Variants in POR observed in about 807,000 individuals in gnomAD.
POR encodes cytochrome p450 oxidoreductase.
POR carries 56 observed loss-of-function variants against 84.0 expected under a neutral mutation model. The observed-to-expected ratio is 0.67, with a 90% CI of 0.54 to 0.83. POR has a LOEUF of 0.83. POR is among the 40% of genes least tolerant of loss of function. POR has a pLI of 0.00. For synonymous variants in POR, 414 were observed against 400.5 expected (o/e 1.03, Z -0.40); for missense variants, 938 against 944.3 (o/e 0.99, Z 0.09).
At chr7:75,962,443 T>G (rs1376242321) in intron 2 of POR, among the ~76,000 whole-genome samples, 1 of 152,168 alleles carries the variant, frequency 6.6e-6, no homozygotes, top group Non-Finnish European at 1.5e-5. Flanking sequence ...TACGGGCATG[T>G]GCCACCATAC....
intron 2 of POR, among the ~76,000 whole-genome samples, chr7:75,961,016 T>C (rs1431243758): frequency 1.3e-5 from 2 of 152,112 alleles, no homozygotes; most frequent in African/African-American, 4.8e-5. Context: ...GTGGATCACA[T>C]GAGGCCAGGA....
At chr7:75,921,298 G>A (rs1178464109) in intron 1 of POR, 1 of 127,736 alleles carries the variant, frequency 7.8e-6, no homozygotes, top group Non-Finnish European at 1.6e-5. Flanking sequence ...ACAGATTCTT[G>A]CTCTGTTGTT....
rs1198826600 is a variant in POR, at chr7:75,984,706, C to G, written c.1067-71C>G. On this transcript the variant is annotated intron_variant, in intron 10 of 15. Coordinates refer to ENST00000461988, the MANE Select transcript of POR (RefSeq NM_000941.3). The stretch of plus-strand genomic sequence containing the variant: ...GCAGAGCTGGCCCAAGGTGTCACCC[C>G]CTCCTGCCGCAGCCACCCATCCCCA... The G allele has an allele frequency of 5.7e-6, 8 of 1,396,688 alleles. No homozygotes were observed. The South Asian group carries it at 9.2e-5, about 16-fold the overall frequency. 86.5% of individuals were successfully genotyped at this position (1,396,688 alleles called of 1,614,324 possible).
chr7:75,977,744 C>T (rs1213663819), intron 3 of POR, among the ~76,000 whole-genome samples: 2 of 152,142 alleles, frequency 1.3e-5, no homozygotes, highest in African/African-American at 4.8e-5. Context: ...TGCCATTACA[C>T]TCCAATCTGG....
At chr7:75,976,434 T>G (rs1434021003) in intron 3 of POR, among the ~76,000 whole-genome samples, 7 of 79,094 alleles carry the variant, frequency 8.9e-5, no homozygotes, top group African/African-American at 2.4e-4. Context: ...CAGAGCAAGA[T>G]TCCATCTAAA....
At chr7:75,926,600 G>A (rs572329832) in intron 1 of POR, among the ~76,000 whole-genome samples, 6 of 152,048 alleles carry the variant, frequency 3.9e-5, no homozygotes, top group East Asian at 1.9e-4. Flanking sequence ...GTTCGAGACC[G>A]GCCTGACCAA....
intron 1 of POR, among the ~76,000 whole-genome samples, chr7:75,950,515 A>G (rs1259333719): frequency 1.3e-5 from 2 of 151,504 alleles, no homozygotes; most frequent in Non-Finnish European, 2.9e-5. Flanking sequence ...TCACCATGGC[A>G]CTCCTGACTG....
At chr7:75,925,235 C>T (rs1338091303) in intron 1 of POR, among the ~76,000 whole-genome samples, 1 of 152,034 alleles carries the variant, frequency 6.6e-6, no homozygotes, top group South Asian at 2.1e-4. Flanking sequence ...CAGCTGGGCG[C>T]GATGGCTCAT....
chr7:75,982,368 T>G, intron 8 of POR, 46 bp downstream of exon 8: 2 of 1,459,774 alleles, frequency 1.4e-6, no homozygotes, highest in Non-Finnish European at 1.9e-6. Context: ...CTATGGCCAC[T>G]GGTGCACCCC....
At chr7:75,948,293 G>A (rs1275786144) in intron 1 of POR, among the ~76,000 whole-genome samples, 2 of 152,226 alleles carry the variant, frequency 1.3e-5, no homozygotes, top group South Asian at 4.1e-4. Context: ...AAGCTGCTGG[G>A]AACATTCTTG....
Position 75,986,375 on chromosome 7 carries a change from T to C in POR, c.1937T>C (p.Phe646Ser), listed in dbSNP as rs782646401. The C allele has an allele frequency of 1.2e-6, 2 of 1,612,566 alleles. No homozygotes were observed. The highest frequency in any genetic ancestry group is 1.1e-5 in the South Asian group (1 of 91,074). ...ATGGCCAGGGATGTGCAGAACACCT[T>C]CTACGACATCGTGGCTGAGCTCGGG... is the stretch of plus-strand genomic sequence containing the variant. The change falls in exon 16 of 16, where the codon TTC (phenylalanine) becomes TCC (serine). Residue 646 changes from phenylalanine to serine, a missense_variant. Physicochemically the swap from Phe to Ser is radical, Grantham distance 155. Coordinates refer to ENST00000461988, the MANE Select transcript of POR (RefSeq NM_000941.3).
intron 2 of POR, among the ~76,000 whole-genome samples, chr7:75,967,245 T>C (rs1224799726): frequency 6.6e-6 from 1 of 152,070 alleles, no homozygotes; most frequent in Non-Finnish European, 1.5e-5. Flanking sequence ...CAAAGTGCTG[T>C]ACTGGTGTGA....
In POR at chr7:75,980,777, C is replaced by G; in HGVS notation, c.517-271C>G. On this transcript the variant is annotated intron_variant, in intron 5 of 15. Coordinates refer to ENST00000461988, the MANE Select transcript of POR (RefSeq NM_000941.3). ...CCTGCCTGGCCTCGGAGAGCTGGAG[C>G]CCCAGCCCGGTGGGGAGGGTGGGCT... 3 of 1,402,324 alleles carry G rather than the reference C, an allele frequency of 2.1e-6. No homozygotes were observed. In the South Asian group the frequency reaches 4.2e-5, roughly 20 times the overall value. The allele number at this position is 1,402,324 out of a possible 1,614,324, so 86.9% of individuals were successfully genotyped here.
chr7:75,960,965 G>T (rs572959076), intron 2 of POR, among the ~76,000 whole-genome samples: 29 of 152,260 alleles, frequency 1.9e-4, no homozygotes, highest in African/African-American at 7.0e-4. Context: ...CAGCGTGGTG[G>T]CTGACACCTG....
chr7:75,932,182 C>CTT (rs67962805), intron 1 of POR, among the ~76,000 whole-genome samples: 5 of 143,134 alleles, frequency 3.5e-5, no homozygotes, highest in African/African-American at 5.1e-5. Context: ...TTCAGAAATT[C>CTT]TTTTTTTTTT....
At chr7:75,958,809 AC>A (rs60597612) in intron 2 of POR, among the ~76,000 whole-genome samples, 71,237 of 150,890 alleles carry the variant, frequency 0.47, 17,216 homozygotes, top group Admixed American at 0.57. Flanking sequence ...GGAGACCCCC[AC>A]CCCCCCGCCA....
chr7:75,944,247 C>T (rs1467483723), intron 1 of POR, among the ~76,000 whole-genome samples: 1 of 152,172 alleles, frequency 6.6e-6, no homozygotes, highest in Non-Finnish European at 1.5e-5. Context: ...TCAAAAAAGG[C>T]TGGGTGCAAT....
intron 3 of POR, among the ~76,000 whole-genome samples, chr7:75,974,524 C>CTTTTTTTTTTTTTTTT (rs1238804117): frequency 3.7e-5 from 4 of 107,912 alleles, no homozygotes; most frequent in Non-Finnish European, 5.4e-5. Context: ...TTTTTCTTTT[C>CTTTTTTTTTTTTTTTT]TTTTTTTTTT....
At chr7:75,919,239 G>A (rs1347581554) in intron 1 of POR, among the ~76,000 whole-genome samples, 1 of 152,110 alleles carries the variant, frequency 6.6e-6, no homozygotes, top group East Asian at 1.9e-4. Context: ...AACCATTTGG[G>A]AAATTTTTAC....
Sources: allele counts gnomAD v4.1 joint callset (sites outside exome capture counted in the v4.1 genomes callset), GRCh38; gene constraint gnomAD v4.1.1; transcripts MANE v1.5; gene names NCBI Gene and HGNC (gene_info 2026-07-23, HGNC 2026-07-21).